The following ARHGEF10L variants were observed in gnomAD, a reference collection of about 807,000 sequenced individuals.
The protein encoded by ARHGEF10L is Rho guanine nucleotide exchange factor 10 like, also known as rho guanine nucleotide exchange factor 10-like protein.
Under a neutral mutation model 141.2 loss-of-function variants are expected in ARHGEF10L, and 69 were observed. The ratio of observed to expected loss-of-function variants is 0.49; its 90% confidence interval spans 0.40 to 0.60. ARHGEF10L has a LOEUF of 0.60. Among genes scored for constraint, ARHGEF10L ranks in the 20% least tolerant of loss-of-function variants. The pLI, the probability that ARHGEF10L is intolerant of heterozygous loss-of-function variation, is 0.00. For synonymous variants in ARHGEF10L, 711 were observed against 718.5 expected (o/e 0.99, Z 0.17); for missense variants, 1,482 against 1,734.3 (o/e 0.85, Z 2.58).
At chr1:17,670,678 C>T (rs1453193511) in intron 26 of ARHGEF10L, among the ~76,000 whole-genome samples, 1 of 152,214 alleles carries the variant, frequency 6.6e-6, no homozygotes, top group Non-Finnish European at 1.5e-5. Flanking sequence ...GTAGTGACAG[C>T]GTGGGGCGTT....
chr1:17,589,546 C>T (rs2079350481), intron 4 of ARHGEF10L, among the ~76,000 whole-genome samples: 1 of 152,224 alleles, frequency 6.6e-6, no homozygotes, highest in African/African-American at 2.4e-5. Flanking sequence ...ATGCAGGTTG[C>T]AGGCCCAGGC....
intron 14 of ARHGEF10L, among the ~76,000 whole-genome samples, chr1:17,626,582 G>A (rs924869823): frequency 6.6e-6 from 1 of 152,162 alleles, no homozygotes; most frequent in Non-Finnish European, 1.5e-5. Flanking sequence ...CTGGCCTGTG[G>A]GAGTGGGCTC....
In ARHGEF10L at chr1:17,655,422, A is replaced by G. The variant is rs560002343; in HGVS notation, c.2482-457A>G. The stretch of plus-strand genomic sequence containing the variant: ...CATTCACCGATACATCCTTCCATCT[A>G]TCTGTCTATCATCTGTCCATCCATC... On this transcript the variant is annotated intron_variant, in intron 23 of 28. Coordinates refer to ENST00000361221, the MANE Select transcript of ARHGEF10L (RefSeq NM_018125.4). Among the ~76,000 whole-genome samples the G allele has an allele frequency of 2.6e-5, 4 of 151,024 alleles. No individual in the cohort carries two copies. The East Asian group carries it at 7.8e-4, about 30-fold the overall frequency.
At chr1:17,532,039 T>C in the ARHGEF10L span, among the ~76,000 whole-genome samples, 146,841 of 152,230 alleles carry the variant, frequency 0.96, 70,868 homozygotes, top group Middle Eastern at 0.98. Flanking sequence ...ACTGAAGTCT[T>C]TCTCTAGGCC....
chr1:17,607,434 C>A lies in ARHGEF10L; in HGVS notation c.434-368C>A, dbSNP rs1429841796. Among the ~76,000 whole-genome samples, 2 of 152,152 alleles carry A rather than the reference C, an allele frequency of 1.3e-5. No individual in the cohort carries two copies. The highest frequency in any genetic ancestry group is 4.8e-5 in the African/African-American group (2 of 41,420). On this transcript the variant is annotated intron_variant, in intron 6 of 28. Coordinates refer to ENST00000361221, the MANE Select transcript of ARHGEF10L (RefSeq NM_018125.4). The surrounding 1 kb of genome is among the most constrained non-coding windows in gnomAD (Gnocchi z 4.5). ...AGGCCACAGTGAGCTATGATTGTACCACTGCACTCCAGCCTGGGCGAGACA... is the reference window on the plus strand; with the variant it reads ...AGGCCACAGTGAGCTATGATTGTACAACTGCACTCCAGCCTGGGCGAGACA...
the ARHGEF10L span, among the ~76,000 whole-genome samples, chr1:17,525,960 C>T: frequency 6.6e-6 from 1 of 150,404 alleles, no homozygotes; most frequent in Non-Finnish European, 1.5e-5. Context: ...TGAGATCCCA[C>T]CACTGCACCC....
chr1:17,517,743 C>T, the ARHGEF10L span, among the ~76,000 whole-genome samples: 4 of 151,878 alleles, frequency 2.6e-5, no homozygotes, highest in South Asian at 8.3e-4. Context: ...TCACTGCAAC[C>T]TCCACCTCCG....
rs1041147380 is a variant in ARHGEF10L, at chr1:17,607,304, G to A, written c.434-498G>A. ...AGCCTGGGCAACATAACAAGACTCC[G>A]TCTCTACAAAAAATTAAAAAATTAG... On this transcript the variant is annotated intron_variant, in intron 6 of 28. Coordinates refer to ENST00000361221, the MANE Select transcript of ARHGEF10L (RefSeq NM_018125.4). The surrounding 1 kb of genome is among the most constrained non-coding windows in gnomAD (Gnocchi z 4.5). Among the ~76,000 whole-genome samples the A allele has an allele frequency of 2.0e-5, 3 of 152,112 alleles. No homozygotes were observed. The highest frequency in any genetic ancestry group is 4.4e-5 in the Non-Finnish European group (3 of 68,022).
chr1:17,667,740 CG>C (rs952021480), intron 26 of ARHGEF10L, among the ~76,000 whole-genome samples: 1 of 152,176 alleles, frequency 6.6e-6, no homozygotes, highest in Non-Finnish European at 1.5e-5. Flanking sequence ...GTGAGTGGCG[CG>C]GCCCCAGGGC....
At chr1:17,660,282 C>A (rs1171636458) in intron 25 of ARHGEF10L, among the ~76,000 whole-genome samples, 1 of 152,166 alleles carries the variant, frequency 6.6e-6, no homozygotes, top group Non-Finnish European at 1.5e-5. Flanking sequence ...AGGCAGATGG[C>A]ATAATGGGTA....
chr1:17,571,225 G>A (rs527238493), intron 1 of ARHGEF10L, among the ~76,000 whole-genome samples: 3 of 152,254 alleles, frequency 2.0e-5, no homozygotes, highest in South Asian at 2.1e-4. Flanking sequence ...GGGAGCTGGA[G>A]CGAGACGTGA....
At chr1:17,580,437 C>T (rs113266772) in intron 1 of ARHGEF10L, 116 bp from the exon 2 acceptor site, 26 of 835,764 alleles carry the variant, frequency 3.1e-5, no homozygotes, top group African/African-American at 1.7e-4. Flanking sequence ...CTGGGGCTGC[C>T]CTGTGCTCTG....
In ARHGEF10L at chr1:17,552,965, C is replaced by A. The variant is rs116267118; in HGVS notation, c.-44+13015C>A. ...CCTTGGCAAATCACTTGATAGGATC[C>A]TGTGGGGCACTAGCATTCTGCCCAC... is the stretch of plus-strand genomic sequence containing the variant. On this transcript the variant is annotated intron_variant, in intron 1 of 28. Coordinates refer to ENST00000361221, the MANE Select transcript of ARHGEF10L (RefSeq NM_018125.4). 2.7e-3 allele frequency among the ~76,000 whole-genome samples: 408 copies of A among 152,304 alleles called. 1 individual carries two copies. Among genetic ancestry groups the A allele is most frequent in the African/African-American group, 9.0e-3 (374 of 41,572 alleles).
chr1:17,608,278 C>T (rs1020714441), intron 7 of ARHGEF10L, among the ~76,000 whole-genome samples: 25 of 152,340 alleles, frequency 1.6e-4, no homozygotes, highest in East Asian at 9.7e-4. Context: ...CTGATGCTCA[C>T]GGGCTCAGAC....
At position 17,644,043 on chromosome 1, in the gene ARHGEF10L, C is replaced by T. The variant is rs2061460985; in HGVS notation, c.2272+3741C>T. Among the ~76,000 whole-genome samples, 1 of 152,208 alleles carries T rather than the reference C, an allele frequency of 6.6e-6. No homozygotes were observed. The highest frequency in any genetic ancestry group is 2.4e-5 in the African/African-American group (1 of 41,470). Reference sequence around the variant, plus strand: ...TGCTCACAAAGCTGCATTGCTGCCTCTTACCCTCCCCGGGCCCTTGGAGCT... The same window carrying T: ...TGCTCACAAAGCTGCATTGCTGCCTTTTACCCTCCCCGGGCCCTTGGAGCT... On this transcript the variant is annotated intron_variant, in intron 21 of 28. Transcript: ENST00000361221. This position sits in a 1 kb window ranked among gnomAD's most constrained non-coding sequence, Gnocchi z 4.5.
chr1:17,685,196 C>A (rs1013571346), intron 26 of ARHGEF10L, among the ~76,000 whole-genome samples: 1 of 152,212 alleles, frequency 6.6e-6, no homozygotes, highest in East Asian at 1.9e-4. Flanking sequence ...CAGCCTTCCC[C>A]ACACTGTTGT....
At chr1:17,538,379 A>G (rs1225450254), upstream of ARHGEF10L, among the ~76,000 whole-genome samples, 1 of 152,226 alleles carries the variant, frequency 6.6e-6, no homozygotes, top group Non-Finnish European at 1.5e-5. Flanking sequence ...GATGTCTGGA[A>G]CAGAGCAAAA....
chr1:17,583,410 G>A (rs935554865), intron 2 of ARHGEF10L, among the ~76,000 whole-genome samples: 1 of 152,014 alleles, frequency 6.6e-6, no homozygotes, highest in African/African-American at 2.4e-5. Flanking sequence ...ATGATGTAAC[G>A]ATGGTGATAA....
intron 4 of ARHGEF10L, among the ~76,000 whole-genome samples, chr1:17,591,245 C>G (rs1469237522): frequency 6.6e-6 from 1 of 152,064 alleles, no homozygotes; most frequent in African/African-American, 2.4e-5. Context: ...TACATTATCT[C>G]TTTTTGTTGT....
Sources: allele counts gnomAD v4.1 joint callset (sites outside exome capture counted in the v4.1 genomes callset), GRCh38; gene constraint gnomAD v4.1.1; non-coding constraint Gnocchi (gnomAD v3.1); transcripts MANE v1.5; gene names NCBI Gene and HGNC (gene_info 2026-07-23, HGNC 2026-07-21).